The following IQCJ variants were observed in gnomAD, a reference collection of about 807,000 sequenced individuals.
IQCJ encodes IQ domain-containing protein J.
A neutral mutation model predicts 11.0 loss-of-function variants in IQCJ; 9 were observed. The ratio of observed to expected loss-of-function variants is 0.82; its 90% CI spans 0.49 to 1.43. The LOEUF is 1.43. Among genes scored for constraint, IQCJ ranks in the 40% most tolerant of loss-of-function variants. IQCJ has a pLI of 0.00. For missense variants in IQCJ, 146 were observed against 133.2 expected (o/e 1.10, Z -0.47); for synonymous variants, 55 against 51.3 (o/e 1.07, Z -0.31).
At chr3:159,140,493 T>C (rs1000007942) in intron 1 of IQCJ, among the ~76,000 whole-genome samples, 5 of 152,178 alleles carry the variant, frequency 3.3e-5, no homozygotes, top group Admixed American at 3.3e-4. Flanking sequence ...AATAGTACTA[T>C]ATGTAAAATA....
At chr3:159,090,961 A>G (rs1717234212) in intron 1 of IQCJ, among the ~76,000 whole-genome samples, 1 of 151,898 alleles carries the variant, frequency 6.6e-6, no homozygotes, top group East Asian at 1.9e-4. Flanking sequence ...TTTGTATTAT[A>G]ATTCCTGCAG....
intron 1 of IQCJ, among the ~76,000 whole-genome samples, chr3:159,188,591 A>T (rs1723507154): frequency 1.3e-5 from 2 of 152,158 alleles, no homozygotes; most frequent in Admixed American, 6.5e-5. Flanking sequence ...TGTTACAATT[A>T]CTGAACCAAT....
chr3:159,200,104 A>AATAAATATAT (rs1553787480), intron 1 of IQCJ, among the ~76,000 whole-genome samples: 1 of 116,956 alleles, frequency 8.6e-6, no homozygotes, highest in African/African-American at 3.8e-5. Flanking sequence ...TTTATACATA[A>AATAAATATAT]ATATATATAT....
intron 3 of IQCJ, among the ~76,000 whole-genome samples, chr3:159,255,969 G>A (rs1040770519): frequency 2.6e-5 from 4 of 152,218 alleles, no homozygotes; most frequent in African/African-American, 9.6e-5. Flanking sequence ...AGCTTTGGGG[G>A]ATGAAGGTGC....
At chr3:159,231,488 G>A (rs1472910380) in intron 1 of IQCJ, among the ~76,000 whole-genome samples, 1 of 152,030 alleles carries the variant, frequency 6.6e-6, no homozygotes, top group Non-Finnish European at 1.5e-5. Context: ...AATTAAGCTT[G>A]TTTAAGAATC....
At chr3:159,226,751 G>A (rs1725878008) in intron 1 of IQCJ, among the ~76,000 whole-genome samples, 1 of 152,224 alleles carries the variant, frequency 6.6e-6, no homozygotes, top group South Asian at 2.1e-4. Context: ...GATTAGTTCT[G>A]GAGACAGGGA....
chr3:159,094,505 A>G (rs920010573), intron 1 of IQCJ, among the ~76,000 whole-genome samples: 2 of 143,500 alleles, frequency 1.4e-5, no homozygotes, highest in Non-Finnish European at 3.0e-5. Flanking sequence ...TAGAGCCAGC[A>G]TAGGTCTGGG....
chr3:159,195,889 G>A (rs1723956285), intron 1 of IQCJ, among the ~76,000 whole-genome samples: 1 of 152,232 alleles, frequency 6.6e-6, no homozygotes, highest in African/African-American at 2.4e-5. Flanking sequence ...TGCTTATTAA[G>A]TGGACAGTAC....
At chr3:159,088,989 T>C (rs1717022524) in intron 1 of IQCJ, among the ~76,000 whole-genome samples, 1 of 152,166 alleles carries the variant, frequency 6.6e-6, no homozygotes, top group Non-Finnish European at 1.5e-5. Context: ...TTTTGCTCAT[T>C]AGTTGATGCA....
At chr3:159,090,501 G>T (rs1426102681) in intron 1 of IQCJ, among the ~76,000 whole-genome samples, 2 of 151,848 alleles carry the variant, frequency 1.3e-5, no homozygotes, top group Admixed American at 6.6e-5. Context: ...CGTCCGTAGA[G>T]TTGGTGGGTG....
At chr3:159,148,196 TTAAC>T (rs1198412533) in intron 1 of IQCJ, among the ~76,000 whole-genome samples, 1 of 152,258 alleles carries the variant, frequency 6.6e-6, no homozygotes, top group Admixed American at 6.5e-5. Flanking sequence ...CTGTGTCTCT[TTAAC>T]TAATCGTGTT....
At chr3:159,122,408 G>GT (rs1407848484) in intron 1 of IQCJ, among the ~76,000 whole-genome samples, 3 of 152,142 alleles carry the variant, frequency 2.0e-5, no homozygotes, top group Non-Finnish European at 4.4e-5. Flanking sequence ...AAGGGAAGAC[G>GT]TATCTCTTTT....
intron 1 of IQCJ, among the ~76,000 whole-genome samples, chr3:159,070,448 A>G (rs1156266075): frequency 6.6e-6 from 1 of 152,150 alleles, no homozygotes. Flanking sequence ...TACTTGCAAC[A>G]CTATATTTAA....
chr3:159,093,281 G>A (rs1374826166), intron 1 of IQCJ, among the ~76,000 whole-genome samples: 4 of 151,798 alleles, frequency 2.6e-5, no homozygotes, highest in Admixed American at 6.5e-5. Flanking sequence ...TTTCCAGCCA[G>A]CCTTTGCCTG....
At chr3:159,136,396 G>A (rs1272183708) in intron 1 of IQCJ, among the ~76,000 whole-genome samples, 3 of 152,136 alleles carry the variant, frequency 2.0e-5, no homozygotes, top group African/African-American at 4.8e-5. Context: ...TTTCTGGATG[G>A]CGATTTGAGT....
chr3:159,095,498 A>G (rs867396310), intron 1 of IQCJ, among the ~76,000 whole-genome samples: 7 of 121,472 alleles, frequency 5.8e-5, no homozygotes, highest in African/African-American at 1.3e-4. Flanking sequence ...ATATCTCCCA[A>G]TGCTATCCCT....
chr3:159,093,191 A>G (rs1226918672), intron 1 of IQCJ, among the ~76,000 whole-genome samples: 6 of 151,770 alleles, frequency 4.0e-5, no homozygotes, highest in African/African-American at 1.2e-4. Flanking sequence ...GGTGTAGGTT[A>G]GCATATAAAC....
intron 1 of IQCJ, among the ~76,000 whole-genome samples, chr3:159,171,154 A>C (rs1217536172): frequency 1.3e-5 from 2 of 152,068 alleles, no homozygotes; most frequent in East Asian, 1.9e-4. Context: ...TTAAAAAAAA[A>C]AACAAAACCA....
At chr3:159,106,830 T>C (rs933586492) in intron 1 of IQCJ, among the ~76,000 whole-genome samples, 7 of 152,182 alleles carry the variant, frequency 4.6e-5, no homozygotes, top group Admixed American at 3.9e-4. Context: ...TTCTTTGGGT[T>C]TGATAATTTG....
Sources: allele counts gnomAD v4.1 joint callset (sites outside exome capture counted in the v4.1 genomes callset), GRCh38; gene constraint gnomAD v4.1.1; transcripts MANE v1.5; gene names NCBI Gene and HGNC (gene_info 2026-07-23, HGNC 2026-07-21).